The following FMNL2 variants were observed in gnomAD, a reference collection of about 807,000 sequenced individuals.
FMNL2 encodes formin-like protein 2.
Under a neutral mutation model 130.2 loss-of-function variants are expected in FMNL2, and 51 were observed. The ratio of observed to expected loss-of-function variants is 0.39; its 90% confidence interval spans 0.31 to 0.49. The LOEUF (loss-of-function observed/expected upper bound fraction) is 0.49. Among genes scored for constraint, FMNL2 ranks in the 20% least tolerant of loss-of-function variants. The probability of loss-of-function intolerance (pLI) is 0.85; values close to 1 mark genes in which losing one functional copy is unlikely to be tolerated. For missense variants in FMNL2, 977 were observed against 1,316.2 expected (o/e 0.74, Z 3.99); for synonymous variants, 465 against 467.1 (o/e 1.00, Z 0.06).
At chr2:152,565,298 T>G (rs745631632) in intron 6 of FMNL2, among the ~76,000 whole-genome samples, 1 of 152,222 alleles carries the variant, frequency 6.6e-6, no homozygotes, top group African/African-American at 2.4e-5. Flanking sequence ...AACTGGACTT[T>G]AGGCAATGTC....
intron 9 of FMNL2, among the ~76,000 whole-genome samples, chr2:152,592,088 C>T (rs1697474198): frequency 1.3e-5 from 2 of 152,106 alleles, no homozygotes; most frequent in East Asian, 1.9e-4. Context: ...GGTGGCAGAG[C>T]GAGACTTCGT....
At position 152,648,703 on chromosome 2, in the gene FMNL2, AG is replaced by A. The variant is rs1176768306; in HGVS notation, c.*800del. On this transcript the variant is annotated 3_prime_UTR_variant, in exon 26 of 26. Transcript: ENST00000288670. Reference sequence around the variant, plus strand: ...TGAGAACAGAAATTGGTGCCTTGCAAGGAAGTTTACTAGCTCTATCAACAAG... The same window carrying A: ...TGAGAACAGAAATTGGTGCCTTGCAAGAAGTTTACTAGCTCTATCAACAAG... 6.6e-6 allele frequency: 1 copy of A among 152,644 alleles called. No individual in the cohort carries two copies. Among genetic ancestry groups the A allele is most frequent in the African/African-American group, 2.4e-5 (1 of 41,458 alleles). 9.5% of individuals were successfully genotyped at this position (152,644 alleles called of 1,614,324 possible). A position where few individuals can be genotyped will look rare whatever the true frequency, so the allele number is the denominator to read the frequency against.
At chr2:152,410,817 C>T (rs528664070) in intron 1 of FMNL2, among the ~76,000 whole-genome samples, 1 of 152,302 alleles carries the variant, frequency 6.6e-6, no homozygotes, top group Admixed American at 6.5e-5. Context: ...ATGAGACCCC[C>T]CCTTGGGAGA....
chr2:152,623,622 G>A (rs978772815), intron 15 of FMNL2, among the ~76,000 whole-genome samples: 5 of 152,108 alleles, frequency 3.3e-5, no homozygotes, highest in Non-Finnish European at 7.3e-5. Context: ...GCTTAGTCGT[G>A]TGTTGCTTTT....
In FMNL2 at chr2:152,578,753, G is replaced by C. The variant is rs2105711363; in HGVS notation, c.706-135G>C. 4 of 628,666 alleles carry C rather than the reference G, an allele frequency of 6.4e-6. No individual in the cohort carries two copies. In the East Asian group the frequency reaches 1.1e-4, roughly 18 times the overall value. 38.9% of individuals were successfully genotyped at this position (628,666 alleles called of 1,614,324 possible). A position where few individuals can be genotyped will look rare whatever the true frequency, so the allele number is the denominator to read the frequency against. ...TATGCTCTGACAGTGATATACTAGA[G>C]ACATAAGTGCATTTATAATGGTGTA... On this transcript the variant is annotated intron_variant, in intron 7 of 25. Coordinates refer to ENST00000288670, the MANE Select transcript of FMNL2 (RefSeq NM_052905.4).
intron 2 of FMNL2, among the ~76,000 whole-genome samples, chr2:152,535,382 G>T (rs1463496038): frequency 6.6e-6 from 1 of 152,118 alleles, no homozygotes; most frequent in East Asian, 1.9e-4. Context: ...CTCCAGGGAG[G>T]TTCCTTTGAT....
At chr2:152,471,883 A>G (rs894648848) in intron 1 of FMNL2, among the ~76,000 whole-genome samples, 1 of 152,162 alleles carries the variant, frequency 6.6e-6, no homozygotes. Context: ...GAAAATTTCA[A>G]ATTCCAGGCT....
intron 15 of FMNL2, among the ~76,000 whole-genome samples, chr2:152,624,750 T>C (rs185374893): frequency 2.5e-3 from 374 of 152,246 alleles, no homozygotes; most frequent in Non-Finnish European, 4.6e-3. Flanking sequence ...GGTGGGAGGA[T>C]TGCCCGAGCC....
At chr2:152,341,583 C>T (rs1339964409) in intron 1 of FMNL2, among the ~76,000 whole-genome samples, 1 of 152,220 alleles carries the variant, frequency 6.6e-6, no homozygotes, top group Non-Finnish European at 1.5e-5. Context: ...AAACTCTTTC[C>T]TCTGGCCCTT....
chr2:152,572,701 G>A (rs1696241033), intron 6 of FMNL2, among the ~76,000 whole-genome samples: 1 of 152,056 alleles, frequency 6.6e-6, no homozygotes, highest in Admixed American at 6.6e-5. Context: ...CGTGATCATG[G>A]TACTGCACTT....
chr2:152,388,352 A>G (rs1451964812), intron 1 of FMNL2, among the ~76,000 whole-genome samples: 1 of 152,228 alleles, frequency 6.6e-6, no homozygotes, highest in East Asian at 1.9e-4. Context: ...GGGAGGCCTC[A>G]GGAAATTTAC....
In FMNL2 at chr2:152,637,625, C is replaced by A. The variant is rs1484429464; in HGVS notation, c.2897C>A (p.Pro966Gln). 6.2e-7 allele frequency: 1 copy of A among 1,613,972 alleles called. No individual in the cohort carries two copies. Among genetic ancestry groups the A allele is most frequent in the Admixed American group, 1.7e-5 (1 of 60,024 alleles). The part of the protein sequence containing the change: ...KYFGENPKTT[P>Q]PSVFFPVFVR... ...TTTGGAGAAAACCCCAAGACAACAC[C>A]ACCCTCTGTCTTCTTTCCTGTCTTT... is the stretch of plus-strand genomic sequence containing the variant. Residue 966 changes from proline to glutamine, a missense_variant, in exon 23 of 26, where the codon CCA (proline) becomes CAA (glutamine). Physicochemically the swap from Pro to Gln is moderately conservative, Grantham distance 76 (BLOSUM62 -1). Around this residue, in one of 4 missense-constraint regions of FMNL2, gnomAD observed 168 missense variants for 168.8 expected, o/e 1.00. Transcript: ENST00000288670.
intron 10 of FMNL2, among the ~76,000 whole-genome samples, chr2:152,611,005 G>A (rs1332756326): frequency 6.6e-6 from 1 of 152,100 alleles, no homozygotes; most frequent in Non-Finnish European, 1.5e-5. Context: ...GTGTCTTATT[G>A]TGGTACCTCT....
intron 1 of FMNL2, among the ~76,000 whole-genome samples, chr2:152,492,417 G>A (rs1334348573): frequency 1.3e-5 from 2 of 152,212 alleles, no homozygotes; most frequent in African/African-American, 4.8e-5. Flanking sequence ...AAGGAAATTA[G>A]TTCAATATTT....
chr2:152,611,074 G>T (rs575014876), intron 10 of FMNL2, among the ~76,000 whole-genome samples: 118 of 152,276 alleles, frequency 7.7e-4, no homozygotes, highest in Non-Finnish European at 1.4e-3. Flanking sequence ...GGCGCAGTGG[G>T]TCATGCCTGT....
In FMNL2 at chr2:152,628,458, C is replaced by G; in HGVS notation, c.2325C>G (p.Ile775Met). 6.2e-7 allele frequency: 1 copy of G among 1,613,988 alleles called. No homozygotes were observed. Among genetic ancestry groups the G allele is most frequent in the South Asian group, 1.1e-5 (1 of 91,080 alleles). ...EDRFMMQFSK[I>M]ERLMQKMTIM... is the part of the protein sequence containing the mutation. ...GGTTCATGATGCAGTTTAGTAAAAT[C>G]GAGAGGCTCATGCAGAAGATGACCA... Residue 775 changes from isoleucine (I) to methionine (M), a missense_variant, in exon 18 of 26, where the codon ATC (isoleucine) becomes ATG (methionine). Physicochemically the swap from Ile to Met is conservative, Grantham distance 10. Around this residue, in one of 4 missense-constraint regions of FMNL2, gnomAD observed 689 missense variants for 995.9 expected, o/e 0.69. Transcript: ENST00000288670.
chr2:152,508,092 G>A (rs141342637), intron 1 of FMNL2, among the ~76,000 whole-genome samples: 51 of 152,256 alleles, frequency 3.3e-4, no homozygotes, highest in African/African-American at 1.1e-3. Context: ...CCAACCATGT[G>A]CAATAACAGA....
intron 1 of FMNL2, among the ~76,000 whole-genome samples, chr2:152,474,499 A>G (rs1690034484): frequency 6.6e-6 from 1 of 152,154 alleles, no homozygotes; most frequent in African/African-American, 2.4e-5. Context: ...AGCCTGGCCA[A>G]CACAGTGAAA....
At chr2:152,495,078 C>T (rs1691429375) in intron 1 of FMNL2, among the ~76,000 whole-genome samples, 1 of 152,098 alleles carries the variant, frequency 6.6e-6, no homozygotes, top group African/African-American at 2.4e-5. Context: ...CGTTGGAACA[C>T]CCGATTTGTC....
Sources: allele counts gnomAD v4.1 joint callset (sites outside exome capture counted in the v4.1 genomes callset), GRCh38; gene constraint gnomAD v4.1.1; regional missense constraint gnomAD v4.1.1; transcripts MANE v1.5; gene names NCBI Gene and HGNC (gene_info 2026-07-23, HGNC 2026-07-21).